Variants in MOSMO observed in about 807,000 individuals in gnomAD.
MOSMO encodes modulator of smoothened protein.
Under a neutral mutation model 18.4 loss-of-function variants are expected in MOSMO, and 5 were observed. The ratio of observed to expected loss-of-function variants is 0.27; its 90% CI spans 0.14 to 0.57. The LOEUF (loss-of-function observed/expected upper bound fraction) is 0.57. MOSMO is among the 20% of genes least tolerant of loss of function. MOSMO has a pLI of 0.92. For synonymous variants in MOSMO, 82 were observed against 82.3 expected (o/e 1.00, Z 0.02); for missense variants, 138 against 211.8 (o/e 0.65, Z 2.16).
At chr16:22,072,692 G>T (rs372513383) in intron 1 of MOSMO, among the ~76,000 whole-genome samples, 1 of 151,850 alleles carries the variant, frequency 6.6e-6, no homozygotes, top group East Asian at 1.9e-4. Context: ...GGCGCCTGTC[G>T]TCCCAGCAGC....
rs1045251402 is a variant in MOSMO, at chr16:22,082,285, T to G, written c.*1405T>G. ...TAAAGGGCTGTACTAAACCCACAGCTTTAAGTTCTTCCCTAAAAGAAGCAT... is the reference window on the plus strand; with the variant it reads ...TAAAGGGCTGTACTAAACCCACAGCGTTAAGTTCTTCCCTAAAAGAAGCAT... On this transcript the variant is annotated 3_prime_UTR_variant, in exon 3 of 3. Transcript: ENST00000542527. The G allele has an allele frequency of 3.3e-5, 5 of 152,220 alleles. No homozygotes were observed. Among genetic ancestry groups the G allele is most frequent in the African/African-American group, 1.2e-4 (5 of 41,452 alleles). 9.4% of individuals were successfully genotyped at this position (152,220 alleles called of 1,614,324 possible).
At chr16:22,054,333 C>T (rs967453711) in intron 1 of MOSMO, among the ~76,000 whole-genome samples, 25 of 152,206 alleles carry the variant, frequency 1.6e-4, no homozygotes, top group Non-Finnish European at 2.8e-4. Context: ...TGGGCTCAGG[C>T]GATCCTCCTT....
chr16:22,047,196 G>T (rs1900326352), intron 1 of MOSMO, among the ~76,000 whole-genome samples: 1 of 148,424 alleles, frequency 6.7e-6, no homozygotes, highest in Non-Finnish European at 1.5e-5. Context: ...AATATACACA[G>T]AATTATTTCC....
chr16:22,034,647 A>T (rs973326504), intron 1 of MOSMO, among the ~76,000 whole-genome samples: 3 of 124,780 alleles, frequency 2.4e-5, no homozygotes, highest in Non-Finnish European at 3.3e-5. Context: ...TTTATCTTTG[A>T]TTTTCTACAA....
intron 1 of MOSMO, among the ~76,000 whole-genome samples, chr16:22,051,074 A>G (rs1453493138): frequency 2.6e-5 from 4 of 152,092 alleles, no homozygotes; most frequent in South Asian, 2.1e-4. Context: ...CCTAGAAGCT[A>G]TAAAAGACAT....
At position 22,081,140 on chromosome 16, in the gene MOSMO, C is replaced by A. The variant is rs1901072232; in HGVS notation, c.*260C>A. 1.0e-5 allele frequency: 2 copies of A among 194,414 alleles called. No homozygotes were observed. Among genetic ancestry groups the A allele is most frequent in the South Asian group, 3.5e-4 (2 of 5,690 alleles). 12.0% of individuals were successfully genotyped at this position (194,414 alleles called of 1,614,324 possible). A position where few individuals can be genotyped will look rare whatever the true frequency, so the allele number is the denominator to read the frequency against. Reference sequence around the variant, plus strand: ...ATTGACTAAATCTCCTGAGCATATTCAGGCAGTCAGGTCTGCACTGTGATA... The same window carrying A: ...ATTGACTAAATCTCCTGAGCATATTAAGGCAGTCAGGTCTGCACTGTGATA... On this transcript the variant is annotated 3_prime_UTR_variant, in exon 3 of 3. Coordinates refer to ENST00000542527, the MANE Select transcript of MOSMO (RefSeq NM_001164579.2).
At chr16:22,064,224 A>G (rs1567512488) in intron 1 of MOSMO, 4 of 445,466 alleles carry the variant, frequency 9.0e-6, no homozygotes, top group East Asian at 7.0e-5. Context: ...CTGTGAGGCT[A>G]TGGGGTCATT....
At chr16:22,026,417 C>CTT (rs1221010617) in intron 1 of MOSMO, among the ~76,000 whole-genome samples, 4 of 152,090 alleles carry the variant, frequency 2.6e-5, no homozygotes, top group Admixed American at 6.5e-5. Context: ...CAGGGTTTTA[C>CTT]CATGTTGGTC....
chr16:22,023,913 T>C (rs1259826061), intron 1 of MOSMO, among the ~76,000 whole-genome samples: 1 of 151,770 alleles, frequency 6.6e-6, no homozygotes, highest in Non-Finnish European at 1.5e-5. Context: ...TTCTCTTGTA[T>C]AGATTCAAGA....
At chr16:22,064,409 AC>A (rs1477588226) in intron 1 of MOSMO, 1 of 456,506 alleles carries the variant, frequency 2.2e-6, no homozygotes, top group South Asian at 1.5e-5. Context: ...TAAATGGGTT[AC>A]TTCTGCCAGA....
intron 1 of MOSMO, among the ~76,000 whole-genome samples, chr16:22,018,818 A>G (rs1465880380): frequency 6.6e-6 from 1 of 152,188 alleles, no homozygotes; most frequent in Non-Finnish European, 1.5e-5. Flanking sequence ...AATAATGAGT[A>G]ATAAGGAAGA....
intron 1 of MOSMO, among the ~76,000 whole-genome samples, chr16:22,024,400 C>G (rs1485665044): frequency 6.8e-6 from 1 of 147,862 alleles, no homozygotes; most frequent in Non-Finnish European, 1.5e-5. Context: ...GAGTCTTGTT[C>G]TGTCACCAGG....
rs1056661488 is a variant in MOSMO at position 22,081,756 on chromosome 16, G to A, written c.*876G>A. On this transcript the variant is annotated 3_prime_UTR_variant, in exon 3 of 3. Coordinates refer to ENST00000542527, the MANE Select transcript of MOSMO (RefSeq NM_001164579.2). The stretch of plus-strand genomic sequence containing the variant: ...AACCTAGAACCCAATAGAAAAAAAA[G>A]CCATTTATCTGAAGGCTGCATAGTG... The A allele has an allele frequency of 1.3e-5, 2 of 151,838 alleles. No individual in the cohort carries two copies. Among genetic ancestry groups the A allele is most frequent in the African/African-American group, 2.4e-5 (1 of 41,324 alleles). 9.4% of individuals were successfully genotyped at this position (151,838 alleles called of 1,614,324 possible). A position where few individuals can be genotyped will look rare whatever the true frequency, so the allele number is the denominator to read the frequency against.
chr16:22,010,484 A>C (rs1303061454), intron 1 of MOSMO, among the ~76,000 whole-genome samples: 4 of 152,206 alleles, frequency 2.6e-5, no homozygotes, highest in South Asian at 2.1e-4. Context: ...TAGCAGAAGG[A>C]ATCTTTTTAC....
At chr16:22,051,286 G>C (rs1003683466) in intron 1 of MOSMO, among the ~76,000 whole-genome samples, 2 of 151,920 alleles carry the variant, frequency 1.3e-5, no homozygotes, top group Non-Finnish European at 2.9e-5. Context: ...TATTCAGGAG[G>C]CCAAGGCAGG....
At chr16:22,025,083 T>G (rs1899848997) in intron 1 of MOSMO, among the ~76,000 whole-genome samples, 1 of 151,182 alleles carries the variant, frequency 6.6e-6, no homozygotes. Flanking sequence ...AGCCTAGGAG[T>G]TCAAGGCTGC....
intron 1 of MOSMO, among the ~76,000 whole-genome samples, chr16:22,052,026 CTG>C (rs1481952683): frequency 6.6e-6 from 1 of 152,108 alleles, no homozygotes; most frequent in Admixed American, 6.5e-5. Context: ...TTGGCAATAT[CTG>C]TGAACATTTT....
At chr16:22,016,029 A>G (rs1337560894) in intron 1 of MOSMO, among the ~76,000 whole-genome samples, 1 of 152,216 alleles carries the variant, frequency 6.6e-6, no homozygotes, top group African/African-American at 2.4e-5. Flanking sequence ...TAATAGTTAC[A>G]TATATCAGTT....
chr16:22,067,478 G>A (rs544568020), intron 1 of MOSMO, among the ~76,000 whole-genome samples: 4 of 152,314 alleles, frequency 2.6e-5, no homozygotes, highest in African/African-American at 9.6e-5. Context: ...ATCCTCATAT[G>A]CAAGGGATCT....
Sources: allele counts gnomAD v4.1 joint callset (sites outside exome capture counted in the v4.1 genomes callset), GRCh38; gene constraint gnomAD v4.1.1; transcripts MANE v1.5; gene names NCBI Gene and HGNC (gene_info 2026-07-23, HGNC 2026-07-21).